Variants in VRK3 observed in about 807,000 individuals in gnomAD.
The protein encoded by VRK3 is VRK serine/threonine kinase 3.
A neutral mutation model predicts 60.4 loss-of-function variants in VRK3; 50 were observed. The ratio of observed to expected loss-of-function variants is 0.83; its 90% confidence interval spans 0.66 to 1.05. The LOEUF (loss-of-function observed/expected upper bound fraction) is 1.05. Ranked by LOEUF, VRK3 falls within the 50% of genes least tolerant of loss-of-function variation. The probability of loss-of-function intolerance (pLI) is 0.00; values close to 1 mark genes in which losing one functional copy is unlikely to be tolerated. For missense variants in VRK3, 549 were observed against 585.3 expected (o/e 0.94, Z 0.64); for synonymous variants, 246 against 227.8 (o/e 1.08, Z -0.72).
intron 5 of VRK3, 38 bp from the exon 6 acceptor site, chr19:50,000,892 C>T (rs147702874): frequency 0.012 from 18,823 of 1,593,144 alleles, 165 homozygotes; most frequent in Non-Finnish European, 0.015. Flanking sequence ...GTTATAACCA[C>T]GCGGAAGGTC....
intron 1 of VRK3, among the ~76,000 whole-genome samples, chr19:50,021,164 G>C (rs2077165072): frequency 6.6e-6 from 1 of 152,204 alleles, no homozygotes; most frequent in Admixed American, 6.5e-5. Flanking sequence ...CCAGGACGCA[G>C]GTTCCAGAAT....
At chr19:50,022,123 C>T (rs942014667) in intron 1 of VRK3, among the ~76,000 whole-genome samples, 12 of 152,206 alleles carry the variant, frequency 7.9e-5, no homozygotes, top group African/African-American at 2.9e-4. Flanking sequence ...ACCTAGAAAA[C>T]AGTGGGGACG....
At chr19:50,024,535 G>A (rs190751153) in intron 1 of VRK3, among the ~76,000 whole-genome samples, 1 of 152,276 alleles carries the variant, frequency 6.6e-6, no homozygotes, top group East Asian at 1.9e-4. Context: ...TTAGTGTCTG[G>A]CATCCCCAAC....
intron 7 of VRK3, among the ~76,000 whole-genome samples, chr19:49,996,429 C>G (rs1033178445): frequency 1.3e-5 from 2 of 152,062 alleles, no homozygotes; most frequent in Non-Finnish European, 2.9e-5. Context: ...CATGACATGA[C>G]TGGAGGTGGG....
chr19:50,014,697 T>G (rs2077046659), intron 3 of VRK3, among the ~76,000 whole-genome samples: 1 of 151,970 alleles, frequency 6.6e-6, no homozygotes, highest in Non-Finnish European at 1.5e-5. Context: ...CCAGGCGTGC[T>G]GAGGTGTGGA....
At chr19:49,980,852 C>T in intron 13 of VRK3, 103 bp downstream of exon 13, 2 of 1,044,154 alleles carry the variant, frequency 1.9e-6, no homozygotes, top group Non-Finnish European at 1.4e-6. Flanking sequence ...ATTTGGAAAA[C>T]TAAAAAAAAT....
In VRK3 at chr19:50,016,134, T is replaced by G. The variant is rs144055419; in HGVS notation, c.29A>C (p.Lys10Thr). 6.2e-7 allele frequency: 1 copy of G among 1,614,066 alleles called. No homozygotes were observed. Among genetic ancestry groups the G allele is most frequent in the African/African-American group, 1.3e-5 (1 of 74,920 alleles). Residue 10 changes from lysine to threonine, a missense_variant, in exon 3 of 15, where the codon AAA becomes ACA. Physicochemically the swap from Lys to Thr is moderately conservative, Grantham distance 78 (BLOSUM62 -1). Transcript: ENST00000316763. The part of the protein sequence containing the change: MISFCPDCG[K>T]SIQAAFKFCP... ...GAATTTGAATGCCGCTTGGATACTT[T>G]TGCCACAGTCTGGACAGAAGGAGAT...
chr19:50,007,056 ACT>A (rs2076904212), intron 5 of VRK3, among the ~76,000 whole-genome samples: 1 of 151,486 alleles, frequency 6.6e-6, no homozygotes, highest in African/African-American at 2.4e-5. Flanking sequence ...TCCTTTCCTC[ACT>A]CTCAAGGCAT....
Position 50,000,874 on chromosome 19 carries a change from G to T in VRK3, c.548-20C>A. 6.2e-7 allele frequency: 1 copy of T among 1,612,360 alleles called. No homozygotes were observed. The highest frequency in any genetic ancestry group is 8.5e-7 in the Non-Finnish European group (1 of 1,179,110). On this transcript the variant is annotated intron_variant, in intron 5 of 14. Transcript: ENST00000316763. The stretch of plus-strand genomic sequence containing the variant: ...GTGCAGCTGTGGGGGAACAAACAAG[G>T]GAGTGAGGTTATAACCACGCGGAAG...
intron 10 of VRK3, among the ~76,000 whole-genome samples, chr19:49,990,722 T>C (rs2076595787): frequency 7.3e-6 from 1 of 137,616 alleles, no homozygotes; most frequent in South Asian, 2.1e-4. Context: ...GTAAGACCTA[T>C]ATACACTTCC....
intron 12 of VRK3, 74 bp from the exon 13 acceptor site, chr19:49,981,087 A>G: frequency 8.8e-7 from 1 of 1,133,926 alleles, no homozygotes; most frequent in Non-Finnish European, 1.2e-6. Context: ...AATGCCTAAG[A>G]TATATACACA....
chr19:49,982,797 C>T (rs949360449), intron 12 of VRK3, among the ~76,000 whole-genome samples: 5 of 152,176 alleles, frequency 3.3e-5, no homozygotes, highest in African/African-American at 7.2e-5. Flanking sequence ...CATGCATGCA[C>T]GTGCAACCGT....
At chr19:49,997,174 A>G (rs1310136814) in intron 7 of VRK3, 3 of 182,474 alleles carry the variant, frequency 1.6e-5, no homozygotes, top group African/African-American at 4.7e-5. Flanking sequence ...CAGTAGAGAT[A>G]AGGTTTTGCC....
At chr19:49,977,356 T>C (rs967004384) in intron 14 of VRK3, among the ~76,000 whole-genome samples, 1 of 152,092 alleles carries the variant, frequency 6.6e-6, no homozygotes, top group African/African-American at 2.4e-5. Flanking sequence ...CTCCTCGTTA[T>C]GTTCCCAACC....
intron 12 of VRK3, among the ~76,000 whole-genome samples, chr19:49,983,965 G>A (rs1441786593): frequency 6.6e-6 from 1 of 152,148 alleles, no homozygotes; most frequent in Non-Finnish European, 1.5e-5. Flanking sequence ...TCTGGAGCTG[G>A]GGCTGTGGAA....
chr19:50,004,024 G>A (rs10411542), intron 5 of VRK3, among the ~76,000 whole-genome samples: 7,990 of 152,296 alleles, frequency 0.052, 695 homozygotes, highest in African/African-American at 0.18. Flanking sequence ...AACATAGTGA[G>A]ATCGTCTCTA....
intron 5 of VRK3, among the ~76,000 whole-genome samples, chr19:50,002,904 G>A (rs538217427): frequency 6.6e-6 from 1 of 152,272 alleles, no homozygotes; most frequent in South Asian, 2.1e-4. Flanking sequence ...CTTCCCAAAG[G>A]TCAGCTGGTC....
chr19:49,997,455 T>C (rs1466140822), intron 7 of VRK3, 49 bp downstream of exon 7: 6 of 1,603,172 alleles, frequency 3.7e-6, no homozygotes, highest in Admixed American at 3.4e-5. Context: ...TGTGACCAAG[T>C]TGGCGCCCCC....
chr19:50,016,259 G>A, intron 2 of VRK3, 96 bp from the exon 3 acceptor site: 22 of 1,522,034 alleles, frequency 1.4e-5, no homozygotes, highest in Non-Finnish European at 2.0e-5. Flanking sequence ...GTGAGTGGCA[G>A]GAGGCACAAC....
Sources: allele counts gnomAD v4.1 joint callset (sites outside exome capture counted in the v4.1 genomes callset), GRCh38; gene constraint gnomAD v4.1.1; transcripts MANE v1.5; gene names NCBI Gene and HGNC (gene_info 2026-07-23, HGNC 2026-07-21).